The following SEMA6D variants were observed in gnomAD, a reference collection of about 807,000 sequenced individuals.
SEMA6D encodes semaphorin-6D.
A neutral mutation model predicts 106.6 loss-of-function variants in SEMA6D; 35 were observed. The ratio of observed to expected loss-of-function variants is 0.33; its 90% CI spans 0.25 to 0.44. The LOEUF is 0.44. SEMA6D is among the 20% of genes least tolerant of loss of function. The pLI, the probability that SEMA6D is intolerant of heterozygous loss-of-function variation, is 1.00. For missense variants in SEMA6D, 1,185 were observed against 1,345.9 expected, an observed-to-expected ratio of 0.88 and a Z score of 1.87; for synonymous variants, 499 against 487.7, an observed-to-expected ratio of 1.02 and a Z score of -0.31.
At chr15:47,511,517 C>T (rs1420795846) in intron 3 of SEMA6D, among the ~76,000 whole-genome samples, 2 of 152,098 alleles carry the variant, frequency 1.3e-5, no homozygotes, top group Non-Finnish European at 1.5e-5. Flanking sequence ...TCACTACCCC[C>T]CTCCTGCCAC....
chr15:47,757,555 T>A (rs1250584252), intron 1 of SEMA6D, among the ~76,000 whole-genome samples: 1 of 152,328 alleles, frequency 6.6e-6, no homozygotes, highest in East Asian at 1.9e-4. Context: ...GTAGCTGTAG[T>A]AAAAAACTAG....
intron 1 of SEMA6D, among the ~76,000 whole-genome samples, chr15:47,328,528 A>C (rs1442258376): frequency 6.6e-6 from 1 of 152,218 alleles, no homozygotes; most frequent in Non-Finnish European, 1.5e-5. Context: ...GCTGTAGATG[A>C]AGGGGCAGCA....
intron 1 of SEMA6D, among the ~76,000 whole-genome samples, chr15:47,290,046 T>C (rs2035532934): frequency 2.6e-5 from 4 of 152,122 alleles, no homozygotes; most frequent in Admixed American, 2.6e-4. Context: ...AGGAAAAAAA[T>C]GTCTTTCTCT....
At chr15:47,411,814 G>C (rs573357050) in intron 1 of SEMA6D, among the ~76,000 whole-genome samples, 1 of 152,182 alleles carries the variant, frequency 6.6e-6, no homozygotes, top group South Asian at 2.1e-4. Context: ...CAGTAGCGTG[G>C]TCAGAACAAG....
chr15:47,475,746 G>C (rs1404584752), intron 3 of SEMA6D, among the ~76,000 whole-genome samples: 1 of 152,088 alleles, frequency 6.6e-6, no homozygotes, highest in Non-Finnish European at 1.5e-5. Flanking sequence ...TGAAAACATG[G>C]TATTAAATCA....
chr15:47,494,457 T>G (rs2043572999), intron 3 of SEMA6D, among the ~76,000 whole-genome samples: 1 of 151,874 alleles, frequency 6.6e-6, no homozygotes, highest in South Asian at 2.1e-4. Flanking sequence ...AGCATTAAAA[T>G]CTCAAGTAGA....
chr15:47,271,177 A>G (rs750548829), intron 1 of SEMA6D, among the ~76,000 whole-genome samples: 1 of 152,218 alleles, frequency 6.6e-6, no homozygotes, highest in Non-Finnish European at 1.5e-5. Flanking sequence ...ATTGTGAAAG[A>G]CAAAAAATGC....
At chr15:47,715,667 T>A (rs1230978210), upstream of SEMA6D, among the ~76,000 whole-genome samples, 1 of 152,192 alleles carries the variant, frequency 6.6e-6, no homozygotes, top group Admixed American at 6.5e-5. Context: ...AAAAGTTTAT[T>A]TTTTCCTGGA....
chr15:47,349,893 A>G (rs559967942), intron 1 of SEMA6D, among the ~76,000 whole-genome samples: 1 of 152,318 alleles, frequency 6.6e-6, no homozygotes, highest in African/African-American at 2.4e-5. Flanking sequence ...TTCTCATGCC[A>G]TTACTGTGTA....
intron 1 of SEMA6D, among the ~76,000 whole-genome samples, chr15:47,753,806 C>T (rs1221226588): frequency 2.0e-5 from 3 of 152,176 alleles, no homozygotes; most frequent in Non-Finnish European, 4.4e-5. Context: ...GAAGAGTCAT[C>T]GGGAAACTAA....
intron 3 of SEMA6D, among the ~76,000 whole-genome samples, chr15:47,594,007 G>A (rs1388403879): frequency 1.3e-5 from 2 of 152,096 alleles, no homozygotes; most frequent in African/African-American, 2.4e-5. Flanking sequence ...ATTTGGGTGG[G>A]GACACAGATC....
chr15:47,308,310 C>T (rs749534277), intron 1 of SEMA6D, among the ~76,000 whole-genome samples: 33 of 152,066 alleles, frequency 2.2e-4, no homozygotes, highest in Non-Finnish European at 4.0e-4. Flanking sequence ...GCCTCAGTTT[C>T]CTTATATGCC....
At chr15:47,342,001 C>A (rs929130376) in intron 1 of SEMA6D, among the ~76,000 whole-genome samples, 3 of 129,660 alleles carry the variant, frequency 2.3e-5, no homozygotes, top group African/African-American at 3.7e-5. Context: ...CATCCTTTAC[C>A]CTGTGTTTTT....
intron 1 of SEMA6D, among the ~76,000 whole-genome samples, chr15:47,720,350 G>A (rs2079355252): frequency 6.9e-6 from 1 of 145,930 alleles, no homozygotes; most frequent in Non-Finnish European, 1.5e-5. Flanking sequence ...CCAACAGCTG[G>A]TTAACTTGAG....
intron 3 of SEMA6D, among the ~76,000 whole-genome samples, chr15:47,520,605 G>C (rs2044542604): frequency 6.6e-6 from 1 of 152,182 alleles, no homozygotes. Context: ...ACTGTGCATT[G>C]GTCTTCAGAA....
intron 1 of SEMA6D, among the ~76,000 whole-genome samples, chr15:47,201,220 C>G (rs1253335169): frequency 1.3e-5 from 2 of 151,972 alleles, no homozygotes; most frequent in African/African-American, 4.8e-5. Flanking sequence ...TAAAATGAAC[C>G]AACACTACAC....
chr15:47,379,764 A>C (rs945328980), intron 1 of SEMA6D, among the ~76,000 whole-genome samples: 6 of 152,136 alleles, frequency 3.9e-5, no homozygotes, highest in Non-Finnish European at 5.9e-5. Flanking sequence ...AATTTCATTT[A>C]ATTTTGTTTT....
chr15:47,272,385 A>G (rs745328908), intron 1 of SEMA6D, among the ~76,000 whole-genome samples: 2 of 152,184 alleles, frequency 1.3e-5, no homozygotes, highest in Non-Finnish European at 2.9e-5. Context: ...TAGCACAAAG[A>G]CATTGAACAA....
rs555046899 is a variant in SEMA6D at position 47,240,033 on chromosome 15, T to G, written c.-239+55615T>G. On this transcript the variant is annotated intron_variant, in intron 1 of 19. Transcript: ENST00000558014. Reference sequence around the variant, plus strand: ...TTGAGCTTTTATTTGTATAACATGATTATTATCTATTTGGATCTCAGTAGT... The same window carrying G: ...TTGAGCTTTTATTTGTATAACATGAGTATTATCTATTTGGATCTCAGTAGT... 4.2e-4 allele frequency among the ~76,000 whole-genome samples: 64 copies of G among 152,292 alleles called. No individual in the cohort carries two copies. In the South Asian group the frequency reaches 0.013, roughly 31 times the overall value.
Sources: gnomAD v4.1 joint callset for allele counts (sites outside exome capture counted in the v4.1 genomes callset) on GRCh38, gnomAD v4.1.1 for gene constraint, MANE v1.5 for transcripts, NCBI Gene and HGNC (gene_info 2026-07-23, HGNC 2026-07-21) for gene names.